The following MYH7B variants were observed in gnomAD, a reference collection of about 807,000 sequenced individuals.
MYH7B encodes myosin-7B.
A neutral mutation model predicts 234.5 loss-of-function variants in MYH7B; 205 were observed. That is an observed-to-expected ratio of 0.87 (90% CI 0.78 to 0.98). The LOEUF is 0.98. MYH7B is among the 50% of genes least tolerant of loss of function. MYH7B has a pLI of 0.00. For synonymous variants in MYH7B, 1,193 were observed against 1,105.0 expected, an observed-to-expected ratio of 1.08 and a Z score of -1.58; for missense variants, 2,652 against 2,633.4, an observed-to-expected ratio of 1.01 and a Z score of -0.15.
chr20:35,001,362 G>C lies in MYH7B; in HGVS notation c.5580+13G>C, dbSNP rs761414074. On this transcript the variant is annotated intron_variant, in intron 42 of 44. Coordinates refer to ENST00000262873, the Ensembl canonical transcript of MYH7B. The stretch of plus-strand genomic sequence containing the variant: ...GCTCGCATACCAGGTGGGCGACAGG[G>C]TCTCCCTGGGGAGTGGCCCTGGAGC... The C allele has an allele frequency of 4.4e-6, 7 of 1,602,388 alleles. No homozygotes were observed. The highest frequency in any genetic ancestry group is 1.7e-5 in the Admixed American group (1 of 57,434).
chr20:34,980,597 G>C (rs1298734652), exon 8 of MYH7B: 1 of 1,614,092 alleles, frequency 6.2e-7, no homozygotes, highest in Admixed American at 1.7e-5. Flanking sequence ...GGCCTCTTCT[G>C]TGTCACCATC....
At chr20:35,002,277 G>A (rs761791688) in exon 45 of MYH7B, 8 of 1,414,046 alleles carry the variant, frequency 5.7e-6, no homozygotes, top group African/African-American at 1.4e-5. Context: ...TCTCTGCATC[G>A]CCCCCTGCTG....
At chr20:34,986,656 A>G (rs1474445769) in intron 14 of MYH7B, among the ~76,000 whole-genome samples, 1 of 152,238 alleles carries the variant, frequency 6.6e-6, no homozygotes, top group African/African-American at 2.4e-5. Context: ...CAGAAAAAGA[A>G]GCCAGGGTCA....
At chr20:34,969,217 ACCAGCCCTCAC>A (rs2081770463) in intron 2 of MYH7B, among the ~76,000 whole-genome samples, 1 of 152,058 alleles carries the variant, frequency 6.6e-6, no homozygotes, top group Non-Finnish European at 1.5e-5. Flanking sequence ...CTCTCTGAGG[ACCAGCCCTCAC>A]CCAGGCCCCT....
intron 1 of MYH7B, among the ~76,000 whole-genome samples, chr20:34,957,650 C>T (rs1223582380): frequency 2.0e-5 from 3 of 152,030 alleles, no homozygotes; most frequent in African/African-American, 4.8e-5. Context: ...CCACCACACC[C>T]GGCTAATTTT....
At chr20:34,959,481 CTT>C (rs11467878) in intron 2 of MYH7B, among the ~76,000 whole-genome samples, 68,579 of 141,806 alleles carry the variant, frequency 0.48, 16,380 homozygotes, top group South Asian at 0.56. Flanking sequence ...TTCTTTCTTT[CTT>C]TTTTTTTTTT....
chr20:34,995,460 A>G, exon 28 of MYH7B: 1 of 1,613,768 alleles, frequency 6.2e-7, no homozygotes. Flanking sequence ...GTGAACGCTG[A>G]CCTGGCCGCC....
chr20:34,995,285 C>A (rs1366012044), intron 27 of MYH7B, 51 bp from the exon 28 acceptor site: 13 of 1,578,116 alleles, frequency 8.2e-6, no homozygotes, highest in Admixed American at 1.7e-5. Flanking sequence ...TGTCTCTCTG[C>A]TGGTTTACCT....
intron 19 of MYH7B, among the ~76,000 whole-genome samples, chr20:34,988,806 C>CCT (rs1569046104): frequency 1.8e-5 from 2 of 113,234 alleles, no homozygotes; most frequent in African/African-American, 3.5e-5. Context: ...TCCTTTATCC[C>CCT]TTTTTTTTTT....
rs755194801 is a variant in MYH7B, at chr20:34,987,223, C to T, written c.1083C>T (p.His361=). Reference sequence around the variant, plus strand: ...ATAAGATCGTGGGCGCCCTCCTGCACTTTGGCAACATGAAGTTCAAGCAGA... The same window carrying T: ...ATAAGATCGTGGGCGCCCTCCTGCATTTTGGCAACATGAAGTTCAAGCAGA... Residue 361 remains histidine, a synonymous_variant, in exon 16 of 45, where the codon CAC becomes CAT. Transcript: ENST00000262873. 2 of 1,612,314 alleles carry T rather than the reference C, an allele frequency of 1.2e-6. No individual in the cohort carries two copies. Among genetic ancestry groups the T allele is most frequent in the East Asian group, 2.2e-5 (1 of 44,850 alleles).
intron 2 of MYH7B, among the ~76,000 whole-genome samples, chr20:34,965,894 T>C (rs2081737383): frequency 6.6e-6 from 1 of 152,190 alleles, no homozygotes; most frequent in Non-Finnish European, 1.5e-5. Flanking sequence ...GGGGCTACTG[T>C]AGATGGGCTG....
In MYH7B at chr20:34,998,932, C is replaced by G; in HGVS notation, c.4190+17C>G. 6.2e-7 allele frequency: 1 copy of G among 1,607,284 alleles called. No individual in the cohort carries two copies. ...GGAGGCCAAGTGAGTGCTTTGCTGG[C>G]CAGGCCACTGCCATGCAGAGCTTTA... On this transcript the variant is annotated intron_variant, in intron 35 of 44. Coordinates refer to ENST00000262873, the Ensembl canonical transcript of MYH7B.
chr20:35,001,696 A>G (rs2082389094), intron 43 of MYH7B, 170 bp downstream of exon 43: 1 of 793,956 alleles, frequency 1.3e-6, no homozygotes, highest in South Asian at 1.8e-5. Context: ...CTTCTCATGG[A>G]ACAGACCCCA....
Position 34,988,078 on chromosome 20 carries a change from C to A in MYH7B, c.1417-14C>A, listed in dbSNP as rs747237002. On this transcript the variant is annotated splice_polypyrimidine_tract_variant and intron_variant, in intron 18 of 44. Transcript: ENST00000262873. ...TGCGAGAGGTCTGCTGAGCCAGGCC[C>A]CTCCCTCTTGTAGTTCAACAGCTTC... The A allele has an allele frequency of 6.2e-6, 10 of 1,606,894 alleles. No individual in the cohort carries two copies. Among genetic ancestry groups the A allele is most frequent in the Non-Finnish European group, 8.5e-6 (10 of 1,175,578 alleles).
intron 6 of MYH7B, 67 bp downstream of exon 6, chr20:34,979,563 C>T (rs2081908535): frequency 1.9e-6 from 3 of 1,599,054 alleles, no homozygotes; most frequent in East Asian, 4.5e-5. Flanking sequence ...AGGATCTGCC[C>T]TCTGGTTGAA....
chr20:34,973,531 C>T (rs977437033), intron 2 of MYH7B, among the ~76,000 whole-genome samples: 8 of 152,186 alleles, frequency 5.3e-5, no homozygotes, highest in Non-Finnish European at 1.0e-4. Context: ...AAAGGTCATC[C>T]AGTTCAGAGG....
At chr20:35,000,238 G>T (rs578022992) in intron 38 of MYH7B, 55 bp from the exon 39 acceptor site, 409 of 1,506,022 alleles carry the variant, frequency 2.7e-4, no homozygotes, top group Non-Finnish European at 3.5e-4. Flanking sequence ...TTGGGCATTT[G>T]TAAGGACAGG....
At chr20:34,999,843 C>T (rs1190991878) in exon 38 of MYH7B, 1 of 1,613,526 alleles carries the variant, frequency 6.2e-7, no homozygotes, top group East Asian at 2.2e-5. Context: ...CTGGAGCTCT[C>T]CCAGGTCAAA....
At chr20:35,001,384 GAGCTGGCC>G in intron 42 of MYH7B, 35 bp downstream of exon 42, 1 of 1,596,220 alleles carries the variant, frequency 6.3e-7, no homozygotes, top group Middle Eastern at 1.7e-4. Flanking sequence ...AGTGGCCCTG[GAGCTGGCC>G]CAGCCCAAGC....
Sources: gnomAD v4.1 joint callset for allele counts (sites outside exome capture counted in the v4.1 genomes callset) on GRCh38, gnomAD v4.1.1 for gene constraint, MANE v1.5 for transcripts, NCBI Gene and HGNC (gene_info 2026-07-23, HGNC 2026-07-21) for gene names.